The following MRGPRX2 variants were observed in gnomAD, a reference collection of about 807,000 sequenced individuals.
MRGPRX2 encodes the protein mas-related G protein-coupled receptor member X2.
For synonymous variants in MRGPRX2, 183 were observed against 175.6 expected (o/e 1.04, Z -0.33); for missense variants, 389 against 404.5 (o/e 0.96, Z 0.33).
chr11:19,057,515 G>A (rs548756472), intron 1 of MRGPRX2, among the ~76,000 whole-genome samples: 1 of 152,294 alleles, frequency 6.6e-6, no homozygotes, highest in Admixed American at 6.5e-5. Flanking sequence ...GGGTGTTGTG[G>A]TATGAATACA....
At chr11:19,059,262 C>A (rs1006743412) in intron 1 of MRGPRX2, among the ~76,000 whole-genome samples, 1 of 152,092 alleles carries the variant, frequency 6.6e-6, no homozygotes, top group African/African-American at 2.4e-5. Flanking sequence ...TTTTTCTCTT[C>A]TCTCTGGCTG....
chr11:19,056,644 T>A (rs573698863), intron 1 of MRGPRX2, among the ~76,000 whole-genome samples: 6 of 152,276 alleles, frequency 3.9e-5, no homozygotes, highest in African/African-American at 1.4e-4. Flanking sequence ...ACAAGGTAGA[T>A]CCTCTGCTGG....
In MRGPRX2 at chr11:19,055,434, C is replaced by T; in HGVS notation, c.969G>A (p.Glu323=). Residue 323 remains glutamate (E), a synonymous_variant, in exon 2 of 2, where the codon GAG becomes GAA. Transcript: ENST00000329773. The part of the protein sequence containing the change: ...SEGCFRQGTP[E]MSRSSLV Reference sequence around the variant, plus strand: ...TCTACACCAGACTGCTTCTCGACATCTCCGGGGTGCCCTGACGGAAGCATC... The same window carrying T: ...TCTACACCAGACTGCTTCTCGACATTTCCGGGGTGCCCTGACGGAAGCATC... 3 of 1,609,050 alleles carry T rather than the reference C, an allele frequency of 1.9e-6. No homozygotes were observed. The highest frequency in any genetic ancestry group is 2.6e-6 in the Non-Finnish European group (3 of 1,175,684).
chr11:19,055,971 G>A lies in MRGPRX2; in HGVS notation c.432C>T (p.His144=). 6.2e-7 allele frequency: 1 copy of A among 1,614,232 alleles called. No individual in the cohort carries two copies. Among genetic ancestry groups the A allele is most frequent in the Non-Finnish European group, 8.5e-7 (1 of 1,180,044 alleles). The change falls in exon 2 of 2, where the codon CAC becomes CAT. Residue 144 remains histidine (H), a synonymous_variant. Coordinates refer to ENST00000329773, the MANE Select transcript of MRGPRX2 (RefSeq NM_054030.4). ...GCAGGACACACACGACCGCTGACAG[G>A]TGTCTGGGGCGGCGGCAGCGATACC... The part of the protein sequence containing the change: ...PIWYRCRRPR[H]LSAVVCVLLW...
chr11:19,059,619 A>AG (rs969609299), intron 1 of MRGPRX2, among the ~76,000 whole-genome samples: 2 of 152,166 alleles, frequency 1.3e-5, no homozygotes, highest in Non-Finnish European at 2.9e-5. Flanking sequence ...ATTAAAAAAA[A>AG]GGGAGGTGAT....
Position 19,055,779 on chromosome 11 carries a change from C to A in MRGPRX2, c.624G>T (p.Arg208Ser). ...GCAGACCCCTGGAGCCACAGAGGATCCTGACCAGCAGGGCCAGACTGGACC... is the reference window on the plus strand; with the variant it reads ...GCAGACCCCTGGAGCCACAGAGGATACTGACCAGCAGGGCCAGACTGGACC... ...LCGSSLALLV[R>S]ILCGSRGLPL... The change falls in exon 2 of 2, where the codon AGG (arginine) becomes AGT (serine). Residue 208 changes from arginine (R) to serine (S), a missense_variant. Physicochemically the swap from Arg to Ser is moderately radical, Grantham distance 110. Coordinates refer to ENST00000329773, the MANE Select transcript of MRGPRX2 (RefSeq NM_054030.4). 1 of 1,614,160 alleles carries A rather than the reference C, an allele frequency of 6.2e-7. No individual in the cohort carries two copies. Among genetic ancestry groups the A allele is most frequent in the Non-Finnish European group, 8.5e-7 (1 of 1,180,030 alleles).
In MRGPRX2 at chr11:19,056,397, A is replaced by G; in HGVS notation, c.6T>C (p.Asp2=). The change falls in exon 2 of 2, where the codon GAT becomes GAC. Residue 2 remains aspartate (D), a synonymous_variant. Transcript: ENST00000329773. M[D]PTTPAWGTES... is the part of the protein sequence containing the mutation. Reference sequence around the variant, plus strand: ...CTGTTCCCCAGGCCGGGGTGGTTGGATCCATGCTCAGAAAACCTCCACTGG... The same window carrying G: ...CTGTTCCCCAGGCCGGGGTGGTTGGGTCCATGCTCAGAAAACCTCCACTGG... 1 of 1,606,936 alleles carries G rather than the reference A, an allele frequency of 6.2e-7. No homozygotes were observed. The highest frequency in any genetic ancestry group is 8.5e-7 in the Non-Finnish European group (1 of 1,174,496).
At chr11:19,060,010 TG>T (rs1849654843) in intron 1 of MRGPRX2, among the ~76,000 whole-genome samples, 1 of 137,060 alleles carries the variant, frequency 7.3e-6, no homozygotes, top group Admixed American at 7.0e-5. Flanking sequence ...GGCCCTTTCC[TG>T]TAGCCACAGC....
At chr11:19,058,003 A>G (rs1849634261) in intron 1 of MRGPRX2, among the ~76,000 whole-genome samples, 1 of 152,242 alleles carries the variant, frequency 6.6e-6, no homozygotes, top group Non-Finnish European at 1.5e-5. Flanking sequence ...GCAACAAGTA[A>G]TGCTCATATC....
intron 1 of MRGPRX2, among the ~76,000 whole-genome samples, chr11:19,059,713 T>TC (rs56164935): frequency 2.0e-3 from 92 of 45,758 alleles, no homozygotes; most frequent in African/African-American, 3.3e-3. Context: ...AGAAATGGAC[T>TC]TTCCTATTTG....
At chr11:19,058,700 A>G (rs557003102) in intron 1 of MRGPRX2, among the ~76,000 whole-genome samples, 2 of 152,182 alleles carry the variant, frequency 1.3e-5, no homozygotes, top group Admixed American at 1.3e-4. Context: ...TGCCAGGATT[A>G]CAGGCGTGAG....
In MRGPRX2 at chr11:19,055,985, G is replaced by A. The variant is rs60756581; in HGVS notation, c.418C>T (p.Arg140Cys). Residue 140 changes from arginine (R) to cysteine (C), a missense_variant, in exon 2 of 2, where the codon CGC (arginine) becomes TGC (cysteine). By Grantham distance (180) the Arg-to-Cys change is radical (BLOSUM62 -3). Coordinates refer to ENST00000329773, the MANE Select transcript of MRGPRX2 (RefSeq NM_054030.4). ...ACCGCTGACAGGTGTCTGGGGCGGCGGCAGCGATACCAGATGGGCCACAGG... is the reference window on the plus strand; with the variant it reads ...ACCGCTGACAGGTGTCTGGGGCGGCAGCAGCGATACCAGATGGGCCACAGG... The part of the protein sequence containing the change: ...SVLWPIWYRC[R>C]RPRHLSAVVC... The A allele has an allele frequency of 4.1e-4, 656 of 1,614,198 alleles. 1 individual carries two copies. In the African/African-American group the frequency reaches 7.0e-3, roughly 17 times the overall value.
In MRGPRX2 at chr11:19,057,708, C is replaced by T. The variant is rs73436434; in HGVS notation, c.-25-1281G>A. Among the ~76,000 whole-genome samples, 761 of 152,336 alleles carry T rather than the reference C, an allele frequency of 5.0e-3. 8 individuals are homozygous for T. The highest frequency in any genetic ancestry group is 0.018 in the African/African-American group (739 of 41,574). On this transcript the variant is annotated intron_variant, in intron 1 of 1. Transcript: ENST00000329773. ...TGCAAATTACACTTGGGAAGGAGCC[C>T]TTACTCATAATGGGGTGAATAATAG...
At chr11:19,060,309 A>G (rs1203217886) in intron 1 of MRGPRX2, among the ~76,000 whole-genome samples, 1 of 152,260 alleles carries the variant, frequency 6.6e-6, no homozygotes, top group Non-Finnish European at 1.5e-5. Flanking sequence ...TGAGGTTTTA[A>G]ATAACAATTT....
At position 19,055,194 on chromosome 11, in the gene MRGPRX2, GCT is replaced by G. The variant is rs1849601168; in HGVS notation, c.*214_*215del. On this transcript the variant is annotated 3_prime_UTR_variant, in exon 2 of 2. Coordinates refer to ENST00000329773, the MANE Select transcript of MRGPRX2 (RefSeq NM_054030.4). ...AGTCATGGACCGCAGAGTTGGCAAAGCTCTCATAGGGCTGTGGTGGAAGCCTG... is the reference window on the plus strand; with the variant it reads ...AGTCATGGACCGCAGAGTTGGCAAAGCTCATAGGGCTGTGGTGGAAGCCTG... 1.9e-6 allele frequency: 1 copy of G among 523,620 alleles called. No individual in the cohort carries two copies. 32.4% of individuals were successfully genotyped at this position (523,620 alleles called of 1,614,324 possible).
At chr11:19,058,568 C>A (rs1849639734) in intron 1 of MRGPRX2, among the ~76,000 whole-genome samples, 1 of 151,902 alleles carries the variant, frequency 6.6e-6, no homozygotes, top group African/African-American at 2.4e-5. Flanking sequence ...CTACAGGTGC[C>A]CACCACCACG....
chr11:19,057,901 C>A (rs1849633468), intron 1 of MRGPRX2, among the ~76,000 whole-genome samples: 1 of 152,154 alleles, frequency 6.6e-6, no homozygotes, highest in African/African-American at 2.4e-5. Flanking sequence ...GCATTTGAAC[C>A]CACAGGTCTG....
intron 1 of MRGPRX2, among the ~76,000 whole-genome samples, chr11:19,058,423 A>ATTT (rs35629793): frequency 1.4e-5 from 2 of 141,240 alleles, no homozygotes; most frequent in Non-Finnish European, 3.1e-5. Context: ...TTGCACCTGT[A>ATTT]TTTTTTTTTT....
chr11:19,059,347 T>C (rs1486342628), intron 1 of MRGPRX2, among the ~76,000 whole-genome samples: 1 of 152,128 alleles, frequency 6.6e-6, no homozygotes, highest in Non-Finnish European at 1.5e-5. Flanking sequence ...GAAATAGAAA[T>C]TGGAAGGAGC....
Sources: allele counts gnomAD v4.1 joint callset (sites outside exome capture counted in the v4.1 genomes callset), GRCh38; gene constraint gnomAD v4.1.1; transcripts MANE v1.5; gene names NCBI Gene and HGNC (gene_info 2026-07-23, HGNC 2026-07-21).